WDR97: variants seen among roughly 807,000 people sequenced by gnomAD.
WDR97 encodes the protein WD repeat domain 97.
In WDR97, 111 loss-of-function variants were observed where a neutral mutation model predicts 65.4. That is an observed-to-expected ratio of 1.70 (90% CI 1.45 to 1.99). The LOEUF is 1.99. Among genes scored for constraint, WDR97 ranks in the 30% most tolerant of loss-of-function variants. The pLI, the probability that WDR97 is intolerant of heterozygous loss-of-function variation, is 0.00. For synonymous variants in WDR97, 802 were observed against 397.7 expected (o/e 2.02, Z -12.10); for missense variants, 1,674 against 865.0 (o/e 1.94, Z -11.73).
intron 17 of WDR97, 31 bp from the exon 18 acceptor site, chr8:144,113,946 G>C (rs1836598706): frequency 1.4e-6 from 1 of 697,554 alleles, no homozygotes; most frequent in Admixed American, 2.0e-5. Flanking sequence ...ACCCAGACAG[G>C]TGGGACCTGC....
chr8:144,115,488 C>T lies in WDR97; in HGVS notation c.4225C>T (p.Pro1409Ser). Residue 1409 changes from proline (P) to serine (S), a missense_variant, in exon 22 of 24, where the codon CCG becomes TCG. Pro to Ser is a moderately conservative substitution (Grantham distance 74). Coordinates refer to ENST00000323662, the MANE Select transcript of WDR97 (RefSeq NM_001316309.2). ...VPLMVVSPAE[P>S]HSLAPELQAQ... ...TTTGATGGTGGTCTCACCTGCGGAG[C>T]CGCACTCTTTAGCCCCGGAGCTCCA... 1.4e-6 allele frequency: 1 copy of T among 696,342 alleles called. No homozygotes were observed. Among genetic ancestry groups the T allele is most frequent in the Non-Finnish European group, 2.6e-6 (1 of 381,204 alleles). The allele number at this position is 696,342 out of a possible 1,614,324, so 43.1% of individuals were successfully genotyped here. A position where few individuals can be genotyped will look rare whatever the true frequency, so the allele number is the denominator to read the frequency against.
intron 15 of WDR97, 200 bp from the exon 16 acceptor site, chr8:144,113,240 G>C (rs1836583154): frequency 1.7e-6 from 1 of 593,554 alleles, no homozygotes; most frequent in African/African-American, 1.9e-5. Context: ...GCTCACTGAG[G>C]GCCTCGCCCC....
In WDR97 at chr8:144,114,774, G is replaced by T; in HGVS notation, c.3940G>T (p.Gly1314Trp). ...GCCAGAGCTCAAGAAGCTGCTGCACGGGCTGGGCCTTCAGGACCCAGAGGG... is the reference window on the plus strand; with the variant it reads ...GCCAGAGCTCAAGAAGCTGCTGCACTGGCTGGGCCTTCAGGACCCAGAGGG... ...CRPELKKLLH[G>W]LGLQDPEGFL... The change falls in exon 21 of 24, where the codon GGG (glycine) becomes TGG (tryptophan). Residue 1314 changes from glycine to tryptophan, a missense_variant. Gly to Trp is a radical substitution (Grantham distance 184, BLOSUM62 -2). Transcript: ENST00000323662. The T allele has an allele frequency of 1.4e-6, 1 of 702,072 alleles. No homozygotes were observed. Among genetic ancestry groups the T allele is most frequent in the East Asian group, 2.7e-5 (1 of 37,284 alleles). 43.5% of individuals were successfully genotyped at this position (702,072 alleles called of 1,614,324 possible). A position where few individuals can be genotyped will look rare whatever the true frequency, so the allele number is the denominator to read the frequency against.
At position 144,108,690 on chromosome 8, in the gene WDR97, C is replaced by T. The variant is rs1251625528; in HGVS notation, c.624C>T (p.Leu208=). Residue 208 remains leucine, a synonymous_variant, in exon 3 of 24, where the codon CTC becomes CTT. Coordinates refer to ENST00000323662, the MANE Select transcript of WDR97 (RefSeq NM_001316309.2). ...CCTGCTGCCTGCCGGTTCCCGACCT[C>T]AGGCTGCTGCTCGTTGCGGAGATGA... ...APTCCLPVPD[L]RLLLVAEMNS... The T allele has an allele frequency of 1.4e-6, 1 of 700,942 alleles. No homozygotes were observed. Among genetic ancestry groups the T allele is most frequent in the Non-Finnish European group, 2.6e-6 (1 of 384,520 alleles). 43.4% of individuals were successfully genotyped at this position (700,942 alleles called of 1,614,324 possible).
Position 144,116,999 on chromosome 8 carries a change from T to A in WDR97, c.*706T>A, listed in dbSNP as rs1814767745. 1 of 152,334 alleles carries A rather than the reference T, an allele frequency of 6.6e-6. No homozygotes were observed. The highest frequency in any genetic ancestry group is 1.5e-5 in the Non-Finnish European group (1 of 68,120). The allele number at this position is 152,334 out of a possible 1,614,324, so 9.4% of individuals were successfully genotyped here. A position where few individuals can be genotyped will look rare whatever the true frequency, so the allele number is the denominator to read the frequency against. ...GAATCCCCGGCTTTTACACCTGTCT[T>A]TTGTGTTGTCTGAGCAGTGATTTCC... On this transcript the variant is annotated 3_prime_UTR_variant, in exon 24 of 24. Transcript: ENST00000323662.
At chr8:144,113,354 C>T (rs952129991) in intron 15 of WDR97, 86 bp from the exon 16 acceptor site, 3 of 693,510 alleles carry the variant, frequency 4.3e-6, no homozygotes, top group Non-Finnish European at 5.2e-6. Flanking sequence ...GGCTGAGGGG[C>T]TCTGAGAGGT....
chr8:144,116,157 C>A lies in WDR97; in HGVS notation c.4733C>A (p.Pro1578Gln), dbSNP rs922690182. Reference sequence around the variant, plus strand: ...GGCCCCATCCGGACGCTGAAGCTGCCGTTGCCGCGTGTGGAGCCGCAGCCT... The same window carrying A: ...GGCCCCATCCGGACGCTGAAGCTGCAGTTGCCGCGTGTGGAGCCGCAGCCT... ...LDGPIRTLKL[P>Q]LPRVEPQPFP... is the part of the protein sequence containing the mutation. The change falls in exon 24 of 24, where the codon CCG becomes CAG. Residue 1578 changes from proline (P) to glutamine (Q), a missense_variant. Transcript: ENST00000323662. 7.1e-6 allele frequency: 5 copies of A among 700,338 alleles called. No individual in the cohort carries two copies. The highest frequency in any genetic ancestry group is 1.3e-5 in the Non-Finnish European group (5 of 383,762). The allele number at this position is 700,338 out of a possible 1,614,324, so 43.4% of individuals were successfully genotyped here.
rs1402673207 is a variant in WDR97, at chr8:144,111,176, G to A, written c.2380G>A (p.Ala794Thr). 13 of 702,634 alleles carry A rather than the reference G, an allele frequency of 1.9e-5. No individual in the cohort carries two copies. Among genetic ancestry groups the A allele is most frequent in the South Asian group, 3.0e-5 (2 of 67,608 alleles). 43.5% of individuals were successfully genotyped at this position (702,634 alleles called of 1,614,324 possible). A position where few individuals can be genotyped will look rare whatever the true frequency, so the allele number is the denominator to read the frequency against. Residue 794 changes from alanine (A) to threonine (T), a missense_variant, in exon 10 of 24, where the codon GCC (alanine) becomes ACC (threonine). Coordinates refer to ENST00000323662, the MANE Select transcript of WDR97 (RefSeq NM_001316309.2). ...GATGAGCCAGGAGTCACTGACTTCCGCCCAACTGCAGAGGCTCACCAACCT... is the reference window on the plus strand; with the variant it reads ...GATGAGCCAGGAGTCACTGACTTCCACCCAACTGCAGAGGCTCACCAACCT... ...PLMSQESLTSAQLQRLTNLHG... is the reference protein window; with the variant it reads ...PLMSQESLTSTQLQRLTNLHG...
In WDR97 at chr8:144,114,282, A is replaced by G. The variant is rs1361728958; in HGVS notation, c.3599A>G (p.Tyr1200Cys). 4.3e-6 allele frequency: 3 copies of G among 700,730 alleles called. No homozygotes were observed. Among genetic ancestry groups the G allele is most frequent in the Non-Finnish European group, 7.8e-6 (3 of 383,524 alleles). 43.4% of individuals were successfully genotyped at this position (700,730 alleles called of 1,614,324 possible). Residue 1200 changes from tyrosine (Y) to cysteine (C), a missense_variant, in exon 19 of 24, where the codon TAC becomes TGC. Tyr to Cys is a radical substitution (Grantham distance 194). Coordinates refer to ENST00000323662, the MANE Select transcript of WDR97 (RefSeq NM_001316309.2). ...KLFPIFSLQAYPEAGTIEGLA... is the reference protein window; with the variant it reads ...KLFPIFSLQACPEAGTIEGLA... ...CCTCAGCATGCTACCCTGCAGGCAT[A>G]CCCGGAGGCGGGCACGATCGAGGGC...
rs1425765781 is a variant in WDR97 at position 144,116,016 on chromosome 8, G to A, written c.4666+3G>A. 1 of 699,998 alleles carries A rather than the reference G, an allele frequency of 1.4e-6. No homozygotes were observed. 43.4% of individuals were successfully genotyped at this position (699,998 alleles called of 1,614,324 possible). On this transcript the variant is annotated splice_donor_region_variant and intron_variant, in intron 23 of 23. Coordinates refer to ENST00000323662, the MANE Select transcript of WDR97 (RefSeq NM_001316309.2). ...GAGGTCCGCGATGAGACTGAGGGGT[G>A]AGTGGAGCCAGGGGTGGAGACTGGA...
chr8:144,115,236 G>C, intron 21 of WDR97, 105 bp from the exon 22 acceptor site: 1 of 569,706 alleles, frequency 1.8e-6, no homozygotes, highest in Non-Finnish European at 3.1e-6. Context: ...TTGGCCATGG[G>C]TCACCTCCTG....
chr8:144,114,813 G>A lies in WDR97; in HGVS notation c.3979G>A (p.Glu1327Lys), dbSNP rs915217788. 26 of 702,622 alleles carry A rather than the reference G, an allele frequency of 3.7e-5. No homozygotes were observed. Among genetic ancestry groups the A allele is most frequent in the Non-Finnish European group, 5.2e-5 (20 of 384,954 alleles). The allele number at this position is 702,622 out of a possible 1,614,324, so 43.5% of individuals were successfully genotyped here. ...LQDPEGFLFK[E>K]MMTWVQGPDL... ...GGACCCAGAGGGCTTCCTATTCAAG[G>A]AGATGATGACCTGGGTCCAGGGCCC... Residue 1327 changes from glutamate to lysine, a missense_variant, in exon 21 of 24, where the codon GAG becomes AAG. By Grantham distance (56) the Glu-to-Lys change is moderately conservative (BLOSUM62 1). Transcript: ENST00000323662.
Position 144,114,826 on chromosome 8 carries a change from G to A in WDR97, c.3992G>A (p.Trp1331Ter), listed in dbSNP as rs1196083324. ...TTCCTATTCAAGGAGATGATGACCTGGGTCCAGGGCCCAGACCTGGACTCC... is the reference window on the plus strand; with the variant it reads ...TTCCTATTCAAGGAGATGATGACCTAGGTCCAGGGCCCAGACCTGGACTCC... The part of the protein sequence containing the change: ...EGFLFKEMMT[W>*]VQGPDLDSKA... Residue 1331 changes from tryptophan to a stop codon, truncating the protein, a stop_gained, in exon 21 of 24, where the codon TGG (tryptophan) becomes TAG (stop). Transcript: ENST00000323662. LOFTEE classifies it high-confidence loss of function. 1 of 702,616 alleles carries A rather than the reference G, an allele frequency of 1.4e-6. No homozygotes were observed. Among genetic ancestry groups the A allele is most frequent in the Non-Finnish European group, 2.6e-6 (1 of 384,958 alleles). The allele number at this position is 702,616 out of a possible 1,614,324, so 43.5% of individuals were successfully genotyped here. A position where few individuals can be genotyped will look rare whatever the true frequency, so the allele number is the denominator to read the frequency against.
chr8:144,112,791 G>A, intron 15 of WDR97: 1 of 551,208 alleles, frequency 1.8e-6, no homozygotes. Flanking sequence ...GGCAAAGCCA[G>A]TCCCCCCAGC....
chr8:144,109,674 T>A lies in WDR97; in HGVS notation c.1340T>A (p.Val447Glu), dbSNP rs1564320270. ...CACCAGTCGCTGCCTACGCGCCTCGTGTGCGCGTGCGCCGACGGCTCGGTC... is the reference window on the plus strand; with the variant it reads ...CACCAGTCGCTGCCTACGCGCCTCGAGTGCGCGTGCGCCGACGGCTCGGTC... Reference protein sequence around the residue: ...PAHQSLPTRLVCACADGSVYL... With the variant: ...PAHQSLPTRLECACADGSVYL... The change falls in exon 5 of 24, where the codon GTG becomes GAG. Residue 447 changes from valine (V) to glutamate (E), a missense_variant. Val to Glu is a moderately radical substitution (Grantham distance 121). Transcript: ENST00000323662. 7 of 667,984 alleles carry A rather than the reference T, an allele frequency of 1.0e-5. No individual in the cohort carries two copies. The East Asian group carries it at 2.0e-4, about 19-fold the overall frequency. The allele number at this position is 667,984 out of a possible 1,614,324, so 41.4% of individuals were successfully genotyped here. A position where few individuals can be genotyped will look rare whatever the true frequency, so the allele number is the denominator to read the frequency against.
In WDR97 at chr8:144,114,087, G is replaced by A. The variant is rs1420253272; in HGVS notation, c.3519G>A (p.Gly1173=). The change falls in exon 18 of 24, where the codon GGG becomes GGA. Residue 1173 remains glycine (G), a synonymous_variant. Transcript: ENST00000323662. ...HGSLLLDEHY[G]HLPKFLHFFI... is the part of the protein sequence containing the mutation. The stretch of plus-strand genomic sequence containing the variant: ...GTTTGCTCTTGGATGAGCATTACGG[G>A]CATCTGCCCAAGTTTCTGCATTTCT... 3 of 702,872 alleles carry A rather than the reference G, an allele frequency of 4.3e-6. No homozygotes were observed. The highest frequency in any genetic ancestry group is 4.0e-5 in the Admixed American group (2 of 50,022). 43.5% of individuals were successfully genotyped at this position (702,872 alleles called of 1,614,324 possible).
At position 144,116,533 on chromosome 8, in the gene WDR97, C is replaced by T. The variant is rs1043722730; in HGVS notation, c.*240C>T. 3.3e-5 allele frequency: 16 copies of T among 478,086 alleles called. No homozygotes were observed. The highest frequency in any genetic ancestry group is 2.9e-4 in the African/African-American group (14 of 48,810). 29.6% of individuals were successfully genotyped at this position (478,086 alleles called of 1,614,324 possible). ...GCACCAGCGTTCCCGGAGGGGTGGC[C>T]GGCCTAGGGCAGAGGAGACCCATAG... is the stretch of plus-strand genomic sequence containing the variant. On this transcript the variant is annotated 3_prime_UTR_variant, in exon 24 of 24. Coordinates refer to ENST00000323662, the MANE Select transcript of WDR97 (RefSeq NM_001316309.2).
At position 144,108,092 on chromosome 8, in the gene WDR97, C is replaced by T; in HGVS notation, c.146C>T (p.Pro49Leu). 1 of 702,790 alleles carries T rather than the reference C, an allele frequency of 1.4e-6. No homozygotes were observed. The highest frequency in any genetic ancestry group is 2.0e-5 in the Admixed American group (1 of 50,026). The allele number at this position is 702,790 out of a possible 1,614,324, so 43.5% of individuals were successfully genotyped here. ...LTFTEPSQVL[P>L]FLTSSQQWQS... The stretch of plus-strand genomic sequence containing the variant: ...TTCACGGAGCCGTCGCAGGTCCTGC[C>T]CTTTTTGACCAGCAGCCAACAGTGG... Residue 49 changes from proline to leucine, a missense_variant, in exon 2 of 24, where the codon CCC (proline) becomes CTC (leucine). By Grantham distance (98) the Pro-to-Leu change is moderately conservative. Transcript: ENST00000323662.
At chr8:144,111,249 C>T (rs1471727105) in intron 10 of WDR97, 27 bp downstream of exon 10, 10 of 702,598 alleles carry the variant, frequency 1.4e-5, no homozygotes, top group Non-Finnish European at 2.6e-5. Context: ...CTCAGCCCTC[C>T]TGGAGGCCCT....
Sources: gnomAD v4.1 joint callset for allele counts on GRCh38, gnomAD v4.1.1 for gene constraint, MANE v1.5 for transcripts, NCBI Gene and HGNC (gene_info 2026-07-23, HGNC 2026-07-21) for gene names.